RTN4R: variants seen among roughly 807,000 people sequenced by gnomAD.
The protein encoded by RTN4R is reticulon-4 receptor.
A neutral mutation model predicts 27.7 loss-of-function variants in RTN4R; 4 were observed. The observed-to-expected ratio is 0.14, with a 90% confidence interval of 0.07 to 0.33. RTN4R has a LOEUF of 0.33. Among genes scored for constraint, RTN4R ranks in the 10% least tolerant of loss-of-function variants. The pLI is 1.00. For missense variants in RTN4R, 554 were observed against 671.5 expected, an observed-to-expected ratio of 0.83 and a Z score of 1.93; for synonymous variants, 290 against 305.6, an observed-to-expected ratio of 0.95 and a Z score of 0.53.
chr22:20,252,236 C>A (rs1006649908), intron 1 of RTN4R, among the ~76,000 whole-genome samples: 1 of 152,138 alleles, frequency 6.6e-6, no homozygotes, highest in African/African-American at 2.4e-5. Context: ...AGATAAAGGG[C>A]AGCCTGGGGC....
In RTN4R at chr22:20,243,011, G is replaced by A. The variant is rs1241946161; in HGVS notation, c.122C>T (p.Thr41Ile). Residue 41 changes from threonine (T) to isoleucine (I), a missense_variant, in exon 2 of 2, where the codon ACA becomes ATA. Coordinates refer to ENST00000043402, the MANE Select transcript of RTN4R (RefSeq NM_023004.6). ...CVCYNEPKVT[T>I]SCPQQGLQAV... is the part of the protein sequence containing the mutation. Reference sequence around the variant, plus strand: ...CTGCAGGCCCTGCTGGGGGCAGCTTGTCGTCACCTTGGGCTCATTGTAGCA... The same window carrying A: ...CTGCAGGCCCTGCTGGGGGCAGCTTATCGTCACCTTGGGCTCATTGTAGCA... 2 of 1,608,176 alleles carry A rather than the reference G, an allele frequency of 1.2e-6. No homozygotes were observed. The highest frequency in any genetic ancestry group is 1.7e-6 in the Non-Finnish European group (2 of 1,179,918).
At chr22:20,251,795 TC>T (rs2051180431) in intron 1 of RTN4R, among the ~76,000 whole-genome samples, 1 of 49,552 alleles carries the variant, frequency 2.0e-5, no homozygotes, top group Admixed American at 2.0e-4. Flanking sequence ...ATCACCAGCC[TC>T]AACACCATCA....
In RTN4R at chr22:20,256,617, A is replaced by G. The variant is rs540369673; in HGVS notation, c.22+11454T>C. Among the ~76,000 whole-genome samples the G allele has an allele frequency of 1.6e-4, 25 of 152,212 alleles. No individual in the cohort carries two copies. The East Asian group carries it at 2.3e-3, about 14-fold the overall frequency. On this transcript the variant is annotated intron_variant, in intron 1 of 1. Coordinates refer to ENST00000043402, the MANE Select transcript of RTN4R (RefSeq NM_023004.6). ...GCCTCAGCACCTCTTCTGTTAATGC[A>G]TATTTAAAACCTTGCAACCCACCGG...
At position 20,260,506 on chromosome 22, in the gene RTN4R, C is replaced by G. The variant is rs533439527; in HGVS notation, c.22+7565G>C. Among the ~76,000 whole-genome samples the G allele has an allele frequency of 1.2e-4, 19 of 152,292 alleles. No homozygotes were observed. The South Asian group carries it at 3.7e-3, about 30-fold the overall frequency. ...GCAGGTGGGGCCAGGAGCACCAGCGCAGCACATCCTGCGTGACCTTGGGCC... is the reference window on the plus strand; with the variant it reads ...GCAGGTGGGGCCAGGAGCACCAGCGGAGCACATCCTGCGTGACCTTGGGCC... On this transcript the variant is annotated intron_variant, in intron 1 of 1. Transcript: ENST00000043402.
chr22:20,257,746 T>C (rs1475364379), intron 1 of RTN4R, among the ~76,000 whole-genome samples: 1 of 152,098 alleles, frequency 6.6e-6, no homozygotes, highest in Non-Finnish European at 1.5e-5. Context: ...AAATCAAGAG[T>C]GTTTTTCGTT....
At chr22:20,263,222 C>T (rs1040354308) in intron 1 of RTN4R, among the ~76,000 whole-genome samples, 7 of 152,228 alleles carry the variant, frequency 4.6e-5, no homozygotes, top group Admixed American at 2.0e-4. Flanking sequence ...CTACCCATCC[C>T]AGGGCCCTTG....
chr22:20,264,124 G>A (rs2051263552), intron 1 of RTN4R, among the ~76,000 whole-genome samples: 1 of 152,232 alleles, frequency 6.6e-6, no homozygotes, highest in South Asian at 2.1e-4. Context: ...CAGACCTGGT[G>A]GGTGCCAGCT....
At chr22:20,251,854 C>CCATCA (rs2051181501) in intron 1 of RTN4R, among the ~76,000 whole-genome samples, 1 of 10,162 alleles carries the variant, frequency 9.8e-5, no homozygotes, top group Non-Finnish European at 2.1e-4. Context: ...CCTCATCACC[C>CCATCA]TCACCATCCT....
Position 20,249,110 on chromosome 22 carries a change from G to A in RTN4R, c.23-6000C>T, listed in dbSNP as rs755868383. 5 of 533,934 alleles carry A rather than the reference G, an allele frequency of 9.4e-6. No individual in the cohort carries two copies. In the East Asian group the frequency reaches 2.7e-4, roughly 29 times the overall value. 33.1% of individuals were successfully genotyped at this position (533,934 alleles called of 1,614,324 possible). ...CTCCACCAGGAGCCAACAAACACCT[G>A]CTGCCTAATTATCTGGAGAATCCTG... On this transcript the variant is annotated intron_variant, in intron 1 of 1. Coordinates refer to ENST00000043402, the MANE Select transcript of RTN4R (RefSeq NM_023004.6).
chr22:20,259,405 C>T (rs1415898740), intron 1 of RTN4R, among the ~76,000 whole-genome samples: 1 of 152,198 alleles, frequency 6.6e-6, no homozygotes, highest in Non-Finnish European at 1.5e-5. Context: ...TAAATTGGGG[C>T]CGAGGCAGGG....
At chr22:20,258,958 G>A (rs567423600) in intron 1 of RTN4R, among the ~76,000 whole-genome samples, 1 of 151,848 alleles carries the variant, frequency 6.6e-6, no homozygotes, top group Non-Finnish European at 1.5e-5. Flanking sequence ...CCAGGAGGGT[G>A]GAGGCGCTGG....
At chr22:20,264,799 G>T (rs2051267930) in intron 1 of RTN4R, among the ~76,000 whole-genome samples, 2 of 152,216 alleles carry the variant, frequency 1.3e-5, no homozygotes, top group Admixed American at 1.3e-4. Context: ...CTGGGTGGCT[G>T]CAGAGGGTCA....
chr22:20,251,656 A>C, intron 1 of RTN4R, among the ~76,000 whole-genome samples: 1 of 149,546 alleles, frequency 6.7e-6, no homozygotes, highest in African/African-American at 2.5e-5. Context: ...CCTCATCACC[A>C]TCACCATCCT....
At chr22:20,258,320 C>T (rs1462729464) in intron 1 of RTN4R, among the ~76,000 whole-genome samples, 2 of 152,190 alleles carry the variant, frequency 1.3e-5, no homozygotes, top group African/African-American at 4.8e-5. Context: ...CTCCCCCAGC[C>T]CCACCCCTGC....
intron 1 of RTN4R, among the ~76,000 whole-genome samples, chr22:20,254,922 A>G (rs932621904): frequency 2.0e-5 from 3 of 152,248 alleles, no homozygotes; most frequent in African/African-American, 7.2e-5. Flanking sequence ...AAGGTCACCC[A>G]TCCCACGGCA....
At chr22:20,248,136 G>T (rs1409295152) in intron 1 of RTN4R, among the ~76,000 whole-genome samples, 1 of 152,170 alleles carries the variant, frequency 6.6e-6, no homozygotes, top group African/African-American at 2.4e-5. Context: ...ACTGGTGTGG[G>T]TATAATCAAT....
intron 1 of RTN4R, among the ~76,000 whole-genome samples, chr22:20,253,073 G>T (rs952055956): frequency 2.6e-5 from 4 of 152,140 alleles, no homozygotes; most frequent in African/African-American, 9.7e-5. Context: ...CTGCTCCAGC[G>T]GTCTTGCAAG....
chr22:20,245,087 G>A (rs1231982561), intron 1 of RTN4R, among the ~76,000 whole-genome samples: 2 of 152,212 alleles, frequency 1.3e-5, no homozygotes, highest in Middle Eastern at 3.2e-3. Context: ...TCCCGAAGCA[G>A]CTGTGTGTCC....
chr22:20,267,700 C>CA (rs1234278212), intron 1 of RTN4R: 14 of 452,584 alleles, frequency 3.1e-5, no homozygotes, highest in Admixed American at 1.3e-4. Flanking sequence ...CACGTTTCTG[C>CA]AAAAACCCGC....
Sources: allele counts gnomAD v4.1 joint callset (sites outside exome capture counted in the v4.1 genomes callset), GRCh38; gene constraint gnomAD v4.1.1; transcripts MANE v1.5; gene names NCBI Gene and HGNC (gene_info 2026-07-23, HGNC 2026-07-21).